The following AKAP19 variants were observed in gnomAD, a reference collection of about 807,000 sequenced individuals.
The protein encoded by AKAP19 is small A-kinase anchoring protein.
chr2:190,070,621 C>CG, the AKAP19 span, among the ~76,000 whole-genome samples: 1 of 139,756 alleles, frequency 7.2e-6, no homozygotes, highest in African/African-American at 2.6e-5. Flanking sequence ...CTCTCCCCCC[C>CG]CCCTTTTTTT....
At chr2:190,024,386 A>C in the AKAP19 span, among the ~76,000 whole-genome samples, 12 of 146,362 alleles carry the variant, frequency 8.2e-5, no homozygotes, top group South Asian at 1.9e-3. Context: ...GTGTGTATAT[A>C]TATATATATA....
At chr2:190,022,129 A>G in the AKAP19 span, among the ~76,000 whole-genome samples, 1 of 152,318 alleles carries the variant, frequency 6.6e-6, no homozygotes, top group East Asian at 1.9e-4. Flanking sequence ...AGGCAGGGTC[A>G]TCATGACCCA....
At chr2:190,046,606 G>A in the AKAP19 span, among the ~76,000 whole-genome samples, 1 of 152,156 alleles carries the variant, frequency 6.6e-6, no homozygotes, top group Non-Finnish European at 1.5e-5. Context: ...CTGATGCTCA[G>A]TGCGTCAGAG....
the AKAP19 span, among the ~76,000 whole-genome samples, chr2:190,130,445 A>G: frequency 1.3e-5 from 2 of 152,336 alleles, no homozygotes; most frequent in East Asian, 1.9e-4. Context: ...TTAGTTAGAT[A>G]CAAGTTTCTA....
At chr2:189,998,760 TTTCTTTCTTTC>T in the AKAP19 span, among the ~76,000 whole-genome samples, 3 of 89,020 alleles carry the variant, frequency 3.4e-5, no homozygotes, top group Admixed American at 1.7e-4. Flanking sequence ...TCTTTCTTTC[TTTCTTTCTTTC>T]TTTTTTTTTT....
the AKAP19 span, among the ~76,000 whole-genome samples, chr2:190,052,535 G>A: frequency 5.3e-5 from 8 of 152,258 alleles, no homozygotes; most frequent in South Asian, 2.1e-4. Context: ...TGAGTTCCAC[G>A]GGAATACAGC....
chr2:190,187,866 G>A, the AKAP19 span, among the ~76,000 whole-genome samples: 1 of 152,170 alleles, frequency 6.6e-6, no homozygotes, highest in Admixed American at 6.5e-5. Flanking sequence ...GAGAAAAAAG[G>A]TGGGTAGCTG....
the AKAP19 span, among the ~76,000 whole-genome samples, chr2:189,951,787 C>T: frequency 6.6e-6 from 1 of 152,322 alleles, no homozygotes; most frequent in Admixed American, 6.5e-5. Context: ...CAAAATATGT[C>T]ACTCTGGCAT....
chr2:190,049,614 C>T, the AKAP19 span, among the ~76,000 whole-genome samples: 3 of 152,160 alleles, frequency 2.0e-5, no homozygotes, highest in Non-Finnish European at 2.9e-5. Context: ...GACAATATCA[C>T]GGCCAAACAA....
the AKAP19 span, among the ~76,000 whole-genome samples, chr2:189,941,841 A>C: frequency 6.6e-6 from 1 of 152,212 alleles, no homozygotes; most frequent in Admixed American, 6.5e-5. Context: ...ATATAAATGG[A>C]CTCAATTTGC....
the AKAP19 span, among the ~76,000 whole-genome samples, chr2:190,103,971 A>G: frequency 1.3e-5 from 2 of 152,246 alleles, no homozygotes; most frequent in Non-Finnish European, 2.9e-5. Flanking sequence ...ACAGCATGGT[A>G]CTGGTACAAA....
chr2:190,143,508 C>G, the AKAP19 span, among the ~76,000 whole-genome samples: 1 of 152,070 alleles, frequency 6.6e-6, no homozygotes, highest in South Asian at 2.1e-4. Flanking sequence ...GTTCTTGTGC[C>G]TTATCATCAT....
chr2:190,092,546 C>A, the AKAP19 span, among the ~76,000 whole-genome samples: 1 of 152,016 alleles, frequency 6.6e-6, no homozygotes, highest in Non-Finnish European at 1.5e-5. Flanking sequence ...CTTTCTTTGG[C>A]CTCTCTGCTT....
chr2:190,164,092 GAGAC>G, the AKAP19 span: 2 of 152,216 alleles, frequency 1.3e-5, no homozygotes, highest in Non-Finnish European at 1.5e-5. Context: ...TTTTAACTGT[GAGAC>G]AGAATCGGTT....
the AKAP19 span, among the ~76,000 whole-genome samples, chr2:189,975,386 C>T: frequency 6.9e-4 from 105 of 152,238 alleles, 1 homozygote; most frequent in East Asian, 0.017. Context: ...GTGGGTAACC[C>T]GACCTTTCTC....
chr2:190,153,417 C>A, the AKAP19 span, among the ~76,000 whole-genome samples: 1 of 152,048 alleles, frequency 6.6e-6, no homozygotes, highest in Non-Finnish European at 1.5e-5. Context: ...GAGGTACAGC[C>A]AATCAATTAG....
the AKAP19 span, among the ~76,000 whole-genome samples, chr2:190,049,098 C>T: frequency 3.2e-3 from 489 of 151,608 alleles, 1 homozygote; most frequent in African/African-American, 0.011. Flanking sequence ...GCATTAAAAA[C>T]GCAAGAAATC....
the AKAP19 span, among the ~76,000 whole-genome samples, chr2:190,014,099 A>G: frequency 1.6e-4 from 25 of 152,276 alleles, no homozygotes; most frequent in African/African-American, 5.8e-4. Flanking sequence ...CCTACATCCC[A>G]TAAGTTTTGG....
the AKAP19 span, among the ~76,000 whole-genome samples, chr2:189,935,974 A>G: frequency 6.6e-6 from 1 of 152,140 alleles, no homozygotes; most frequent in Non-Finnish European, 1.5e-5. Flanking sequence ...TACAGAAGAC[A>G]GAACAGTTTT....
Sources: allele counts gnomAD v4.1 joint callset (sites outside exome capture counted in the v4.1 genomes callset), GRCh38; gene constraint gnomAD v4.1.1; transcripts MANE v1.5; gene names NCBI Gene and HGNC (gene_info 2026-07-23, HGNC 2026-07-21).